CARMIL1: variants seen among roughly 807,000 people sequenced by gnomAD.
The protein encoded by CARMIL1 is F-actin-uncapping protein LRRC16A.
CARMIL1 carries 90 observed loss-of-function variants against 177.1 expected under a neutral mutation model. The observed-to-expected ratio is 0.51, with a 90% CI of 0.43 to 0.61. The LOEUF is 0.61. Among genes scored for constraint, CARMIL1 ranks in the 20% least tolerant of loss-of-function variants. The pLI is 0.00. For missense variants in CARMIL1, 1,380 were observed against 1,667.0 expected, an observed-to-expected ratio of 0.83 and a Z score of 3.00; for synonymous variants, 577 against 606.2, an observed-to-expected ratio of 0.95 and a Z score of 0.71.
chr6:25,498,991 C>T (rs1339757044), intron 16 of CARMIL1, among the ~76,000 whole-genome samples: 2 of 152,202 alleles, frequency 1.3e-5, no homozygotes, highest in African/African-American at 4.8e-5. Context: ...CTCCAGCCTC[C>T]TAACAAGGTC....
chr6:25,465,616 T>A, intron 8 of CARMIL1: 3 of 412,882 alleles, frequency 7.3e-6, no homozygotes, highest in East Asian at 4.2e-5. Flanking sequence ...AGCAAGGAGG[T>A]TTTTCAAGCA....
intron 2 of CARMIL1, among the ~76,000 whole-genome samples, chr6:25,295,847 C>G (rs966659750): frequency 2.0e-5 from 3 of 152,174 alleles, no homozygotes; most frequent in Non-Finnish European, 4.4e-5. Flanking sequence ...ATAGCTTTTT[C>G]CTTGGCTGAA....
At chr6:25,619,350 C>A (rs1051367098) in intron 36 of CARMIL1, 97 bp from the exon 37 acceptor site, 1 of 1,294,976 alleles carries the variant, frequency 7.7e-7, no homozygotes, top group African/African-American at 1.5e-5. Context: ...CCCTCCCCTC[C>A]CCCAAACCTT....
intron 35 of CARMIL1, among the ~76,000 whole-genome samples, chr6:25,607,344 CAG>C (rs1816074517): frequency 6.6e-6 from 1 of 152,022 alleles, no homozygotes; most frequent in Non-Finnish European, 1.5e-5. Context: ...ATTAGTCAAA[CAG>C]GGATAAAAAT....
At chr6:25,470,820 A>AC (rs1801035256) in intron 9 of CARMIL1, among the ~76,000 whole-genome samples, 1 of 152,074 alleles carries the variant, frequency 6.6e-6, no homozygotes, top group African/African-American at 2.4e-5. Flanking sequence ...CACCATCATG[A>AC]CCTAGTCAGT....
At chr6:25,339,428 A>C (rs1786666361) in intron 2 of CARMIL1, among the ~76,000 whole-genome samples, 1 of 152,212 alleles carries the variant, frequency 6.6e-6, no homozygotes, top group Non-Finnish European at 1.5e-5. Flanking sequence ...GGGGAAGGAC[A>C]TCTTTTTCCT....
rs139654981 is a variant in CARMIL1, at chr6:25,293,532, A to G, written c.138+8623A>G. Among the ~76,000 whole-genome samples, 185 of 151,450 alleles carry G rather than the reference A, an allele frequency of 1.2e-3. 1 individual carries two copies. Among genetic ancestry groups the G allele is most frequent in the Middle Eastern group, 0.01 (3 of 292 alleles). ...TCTCGGGAGCTGGGACTACAATCAC[A>G]TGCCACCATGCCGAATTTTTTTTTT... On this transcript the variant is annotated intron_variant, in intron 2 of 36. Transcript: ENST00000329474.
chr6:25,295,912 G>T (rs1353930380), intron 2 of CARMIL1, among the ~76,000 whole-genome samples: 1 of 152,094 alleles, frequency 6.6e-6, no homozygotes, highest in African/African-American at 2.4e-5. Flanking sequence ...CCTTGTCGTG[G>T]GACTTTCTTA....
At chr6:25,417,060 T>C (rs1429341997) in intron 2 of CARMIL1, among the ~76,000 whole-genome samples, 1 of 152,184 alleles carries the variant, frequency 6.6e-6, no homozygotes, top group Non-Finnish European at 1.5e-5. Flanking sequence ...AGCATTATTA[T>C]CTTATTTCTT....
intron 2 of CARMIL1, among the ~76,000 whole-genome samples, chr6:25,413,791 A>G (rs1405053700): frequency 6.6e-6 from 1 of 152,082 alleles, no homozygotes; most frequent in Non-Finnish European, 1.5e-5. Context: ...CTAAGCACAT[A>G]TACTCCATCT....
At chr6:25,403,081 GTTTT>G (rs71969807) in intron 2 of CARMIL1, among the ~76,000 whole-genome samples, 97 of 142,972 alleles carry the variant, frequency 6.8e-4, no homozygotes, top group African/African-American at 7.7e-4. Flanking sequence ...TCCATAAAGA[GTTTT>G]TTTTTTTTTT....
At chr6:25,443,808 C>CT (rs869155320) in intron 5 of CARMIL1, among the ~76,000 whole-genome samples, 362 of 143,762 alleles carry the variant, frequency 2.5e-3, no homozygotes, top group African/African-American at 7.0e-3. Context: ...ATGGCAATTT[C>CT]TTTTTTTTTT....
chr6:25,566,311 G>A (rs929249638), intron 29 of CARMIL1, among the ~76,000 whole-genome samples: 2 of 152,186 alleles, frequency 1.3e-5, no homozygotes, highest in Admixed American at 1.3e-4. Flanking sequence ...GTCCTACATG[G>A]TCTGCCTTCT....
chr6:25,446,898 G>A (rs1316452273), intron 5 of CARMIL1, among the ~76,000 whole-genome samples: 1 of 152,234 alleles, frequency 6.6e-6, no homozygotes, highest in African/African-American at 2.4e-5. Context: ...GGGAGAGACA[G>A]AGAGGAATGG....
intron 2 of CARMIL1, among the ~76,000 whole-genome samples, chr6:25,348,627 C>T (rs113866016): frequency 6.6e-6 from 1 of 151,282 alleles, no homozygotes; most frequent in Admixed American, 6.6e-5. Flanking sequence ...ACTAAAAATA[C>T]AAAAATTAGC....
At chr6:25,599,939 C>T (rs955160640) in intron 32 of CARMIL1, among the ~76,000 whole-genome samples, 6 of 151,966 alleles carry the variant, frequency 3.9e-5, no homozygotes, top group African/African-American at 1.5e-4. Flanking sequence ...GTACCACCAC[C>T]TCTGTTTTAT....
At chr6:25,517,488 G>T in intron 22 of CARMIL1, 73 bp downstream of exon 22, 1 of 1,171,834 alleles carries the variant, frequency 8.5e-7, no homozygotes, top group Non-Finnish European at 1.3e-6. Flanking sequence ...TTACCTGTTG[G>T]GTAATAGAAT....
At chr6:25,398,816 G>C (rs1297439557) in intron 2 of CARMIL1, among the ~76,000 whole-genome samples, 10 of 152,170 alleles carry the variant, frequency 6.6e-5, no homozygotes, top group Non-Finnish European at 1.0e-4. Flanking sequence ...CATTAGCAAG[G>C]AGAGGCTCAC....
intron 31 of CARMIL1, among the ~76,000 whole-genome samples, chr6:25,590,206 A>G (rs984430430): frequency 2.6e-5 from 4 of 152,154 alleles, no homozygotes; most frequent in Non-Finnish European, 4.4e-5. Flanking sequence ...CTATTTTGCT[A>G]ATTTTGTTTT....
Sources: allele counts gnomAD v4.1 joint callset (sites outside exome capture counted in the v4.1 genomes callset), GRCh38; gene constraint gnomAD v4.1.1; transcripts MANE v1.5; gene names NCBI Gene and HGNC (gene_info 2026-07-23, HGNC 2026-07-21).